SLC14A2: variants seen among roughly 807,000 people sequenced by gnomAD.
SLC14A2 encodes the protein solute carrier family 14 member 2, also known as urea transporter 2.
SLC14A2 carries 91 observed loss-of-function variants against 104.6 expected under a neutral mutation model. That is an observed-to-expected ratio of 0.87 (90% CI 0.73 to 1.04). The LOEUF is 1.04. Ranked by LOEUF, SLC14A2 falls within the 50% of genes least tolerant of loss-of-function variation. The pLI is 0.00. For synonymous variants in SLC14A2, 476 were observed against 466.4 expected, an observed-to-expected ratio of 1.02 and a Z score of -0.27; for missense variants, 1,189 against 1,156.0, an observed-to-expected ratio of 1.03 and a Z score of -0.41.
chr18:45,537,646 G>A (rs1201516380), intron 2 of SLC14A2, among the ~76,000 whole-genome samples: 2 of 152,194 alleles, frequency 1.3e-5, no homozygotes, highest in Admixed American at 1.3e-4. Context: ...GGTGAATTTT[G>A]TTCAGAGGAG....
At chr18:45,550,687 C>T (rs769206702) in intron 2 of SLC14A2, among the ~76,000 whole-genome samples, 4 of 152,154 alleles carry the variant, frequency 2.6e-5, no homozygotes, top group Non-Finnish European at 5.9e-5. Context: ...ATTTCATTGA[C>T]ATTATAAGAA....
At chr18:45,183,906 ATTTTTTTTTTT>A in the SLC14A2 span, among the ~76,000 whole-genome samples, 274 of 62,738 alleles carry the variant, frequency 4.4e-3, 3 homozygotes, top group Admixed American at 5.0e-3. Flanking sequence ...TAATTTTCTA[ATTTTTTTTTTT>A]TTTTTTTTTT....
the SLC14A2 span, among the ~76,000 whole-genome samples, chr18:45,178,536 G>GA: frequency 6.6e-6 from 1 of 152,084 alleles, no homozygotes; most frequent in African/African-American, 2.4e-5. Context: ...CCTCTGAGTA[G>GA]AAAAAATAGC....
intron 12 of SLC14A2, 35 bp downstream of exon 12, chr18:45,666,254 C>T: frequency 7.0e-7 from 1 of 1,431,710 alleles, no homozygotes; most frequent in Non-Finnish European, 9.9e-7. Context: ...GGGACAGCGC[C>T]CTACAGTCAC....
chr18:45,569,132 A>G (rs1599015660), intron 2 of SLC14A2, among the ~76,000 whole-genome samples: 1 of 152,118 alleles, frequency 6.6e-6, no homozygotes, highest in Non-Finnish European at 1.5e-5. Flanking sequence ...TGGGCCTTCA[A>G]TTTCACCCCT....
chr18:45,327,035 C>T (rs2085242033), intron 1 of SLC14A2, among the ~76,000 whole-genome samples: 1 of 151,308 alleles, frequency 6.6e-6, no homozygotes, highest in South Asian at 2.1e-4. Context: ...TCTCTCCATC[C>T]ATCCATCCAG....
chr18:45,460,717 T>A (rs186246305), intron 1 of SLC14A2, among the ~76,000 whole-genome samples: 1 of 152,316 alleles, frequency 6.6e-6, no homozygotes, highest in East Asian at 1.9e-4. Context: ...CAACTTTTCA[T>A]GTTCTTCCTC....
chr18:45,382,846 T>A (rs2085853685), intron 1 of SLC14A2, among the ~76,000 whole-genome samples: 1 of 152,208 alleles, frequency 6.6e-6, no homozygotes, highest in Non-Finnish European at 1.5e-5. Flanking sequence ...GGGCAGTATA[T>A]GGGAGAGGAA....
chr18:45,601,173 G>A (rs1347736326), intron 2 of SLC14A2, among the ~76,000 whole-genome samples: 4 of 152,186 alleles, frequency 2.6e-5, no homozygotes, highest in Admixed American at 1.3e-4. Flanking sequence ...GAGAATGCGC[G>A]GCCCAACCTA....
the SLC14A2 span, among the ~76,000 whole-genome samples, chr18:45,201,636 C>T: frequency 2.0e-5 from 3 of 151,586 alleles, no homozygotes; most frequent in Non-Finnish European, 2.9e-5. Context: ...TGTATATTTC[C>T]TGTTTCAGCC....
At chr18:45,547,821 A>T (rs946025992) in intron 2 of SLC14A2, among the ~76,000 whole-genome samples, 2 of 152,238 alleles carry the variant, frequency 1.3e-5, no homozygotes, top group Admixed American at 6.5e-5. Context: ...AGACGTTTTT[A>T]TAGAAAGAGA....
chr18:45,537,616 TGTGAAATGAGGAAGCCATTG>T (rs2043814716), intron 2 of SLC14A2, among the ~76,000 whole-genome samples: 1 of 152,208 alleles, frequency 6.6e-6, no homozygotes, highest in South Asian at 2.1e-4. Flanking sequence ...GCCTTTTTTC[TGTGAAATGAGGAAGCCATTG>T]GTGAATTTTG....
chr18:45,413,054 A>G (rs2086231565), intron 1 of SLC14A2, among the ~76,000 whole-genome samples: 1 of 152,210 alleles, frequency 6.6e-6, no homozygotes, highest in South Asian at 2.1e-4. Context: ...TTTTTCTGAA[A>G]TGCTTTTTGT....
intron 1 of SLC14A2, among the ~76,000 whole-genome samples, chr18:45,215,648 A>G (rs2084003715): frequency 6.6e-6 from 1 of 152,228 alleles, no homozygotes; most frequent in African/African-American, 2.4e-5. Context: ...AACATTTTTG[A>G]AGATTGAAAA....
intron 1 of SLC14A2, among the ~76,000 whole-genome samples, chr18:45,416,589 C>G (rs1314867458): frequency 6.6e-6 from 1 of 151,902 alleles, no homozygotes; most frequent in Admixed American, 6.6e-5. Flanking sequence ...GATCTTTGGT[C>G]TTTGTTGTAT....
At chr18:45,608,525 CTCA>C (rs1424998252) in intron 2 of SLC14A2, among the ~76,000 whole-genome samples, 1 of 152,240 alleles carries the variant, frequency 6.6e-6, no homozygotes, top group Non-Finnish European at 1.5e-5. Context: ...GTGCGTTTTG[CTCA>C]TCAACACTCA....
chr18:45,297,310 A>G lies in SLC14A2; in HGVS notation c.-125+84119A>G, dbSNP rs184282315. On this transcript the variant is annotated intron_variant, in intron 1 of 20. Transcript: ENST00000586448. ...TCAGTGTAATCATCATCTTTTATGT[A>G]TTAATTACAGCTTAGTTTAACAATA... Among the ~76,000 whole-genome samples, 185 of 152,344 alleles carry G rather than the reference A, an allele frequency of 1.2e-3. 2 individuals are homozygous for G. Among genetic ancestry groups the G allele is most frequent in the Non-Finnish European group, 3.2e-4 (22 of 68,018 alleles).
chr18:45,426,367 T>C (rs2086426654), intron 1 of SLC14A2, among the ~76,000 whole-genome samples: 2 of 151,958 alleles, frequency 1.3e-5, no homozygotes, highest in African/African-American at 2.4e-5. Flanking sequence ...TTCAACTGGA[T>C]TGTGGTTTTC....
chr18:45,531,924 G>A (rs1598968681), intron 2 of SLC14A2, among the ~76,000 whole-genome samples: 1 of 152,272 alleles, frequency 6.6e-6, no homozygotes, highest in East Asian at 1.9e-4. Flanking sequence ...CATATGGCTA[G>A]CCAGTTTTCC....
Sources: allele counts gnomAD v4.1 joint callset (sites outside exome capture counted in the v4.1 genomes callset), GRCh38; gene constraint gnomAD v4.1.1; transcripts MANE v1.5; gene names NCBI Gene and HGNC (gene_info 2026-07-23, HGNC 2026-07-21).